CDH18: variants seen among roughly 807,000 people sequenced by gnomAD.
CDH18 encodes the protein cadherin-18.
A neutral mutation model predicts 67.9 loss-of-function variants in CDH18; 31 were observed. That is an observed-to-expected ratio of 0.46 (90% CI 0.34 to 0.62). CDH18 has a LOEUF of 0.62. CDH18 is among the 20% of genes least tolerant of loss of function. The pLI, the probability that CDH18 is intolerant of heterozygous loss-of-function variation, is 0.01. For synonymous variants in CDH18, 362 were observed against 347.2 expected (o/e 1.04, Z -0.48); for missense variants, 890 against 975.5 (o/e 0.91, Z 1.17).
rs1170985650 is a variant in CDH18, at chr5:19,520,612, G to A, written c.1512+45C>T. On this transcript the variant is annotated intron_variant, in intron 10 of 12. Transcript: ENST00000382275. Reference sequence around the variant, plus strand: ...AAGAATAATAAAAATAAAGGCGCTTGCATTTATTCCATTCAAATGAGGAGG... The same window carrying A: ...AAGAATAATAAAAATAAAGGCGCTTACATTTATTCCATTCAAATGAGGAGG... 3.9e-6 allele frequency: 6 copies of A among 1,542,516 alleles called. No homozygotes were observed. The Admixed American group carries it at 8.7e-5, about 22-fold the overall frequency.
At chr5:19,786,790 T>G (rs1019080285) in intron 3 of CDH18, among the ~76,000 whole-genome samples, 1 of 152,048 alleles carries the variant, frequency 6.6e-6, no homozygotes, top group African/African-American at 2.4e-5. Flanking sequence ...AGAAAGCCAT[T>G]CTTTAGTTCT....
At chr5:19,738,132 T>G (rs747606098) in intron 4 of CDH18, among the ~76,000 whole-genome samples, 2 of 152,156 alleles carry the variant, frequency 1.3e-5, no homozygotes, top group Non-Finnish European at 2.9e-5. Flanking sequence ...TATTACCTAT[T>G]TAGTTTTAGA....
intron 11 of CDH18, among the ~76,000 whole-genome samples, chr5:19,501,597 T>C (rs1186144836): frequency 5.3e-5 from 8 of 151,998 alleles, no homozygotes; most frequent in Non-Finnish European, 1.2e-4. Context: ...GTTATACCTA[T>C]GTAGGTTAAA....
At chr5:20,427,320 T>C (rs1748378256) in intron 1 of CDH18, among the ~76,000 whole-genome samples, 1 of 151,248 alleles carries the variant, frequency 6.6e-6, no homozygotes, top group Admixed American at 6.6e-5. Flanking sequence ...GTGTTCATGT[T>C]ATTTTACAAA....
intron 5 of CDH18, among the ~76,000 whole-genome samples, chr5:19,672,479 A>T (rs546159793): frequency 7.9e-5 from 12 of 152,254 alleles, no homozygotes; most frequent in African/African-American, 2.9e-4. Flanking sequence ...AAAGTTTAAG[A>T]ATAAATTATA....
chr5:19,506,394 A>G (rs1172833379), intron 10 of CDH18, among the ~76,000 whole-genome samples: 1 of 152,194 alleles, frequency 6.6e-6, no homozygotes, highest in East Asian at 1.9e-4. Flanking sequence ...TCTTCACAGA[A>G]TTGGAAAAAA....
At chr5:20,465,544 AAC>A (rs1751576889) in intron 1 of CDH18, among the ~76,000 whole-genome samples, 1 of 152,088 alleles carries the variant, frequency 6.6e-6, no homozygotes, top group Non-Finnish European at 1.5e-5. Flanking sequence ...TATGTTAAAT[AAC>A]ACATATCTGA....
chr5:20,258,003 A>C (rs948832894), intron 1 of CDH18, among the ~76,000 whole-genome samples: 6 of 124,482 alleles, frequency 4.8e-5, no homozygotes, highest in African/African-American at 1.7e-4. Context: ...GTACTTCAAA[A>C]TTTTCTGTTA....
chr5:19,700,212 A>G (rs970654444), intron 5 of CDH18, among the ~76,000 whole-genome samples: 2 of 152,182 alleles, frequency 1.3e-5, no homozygotes, highest in African/African-American at 4.8e-5. Flanking sequence ...ACCAAACTTT[A>G]TTTGTTTAAT....
intron 7 of CDH18, 82 bp downstream of exon 7, chr5:19,590,975 G>T: frequency 2.7e-6 from 2 of 729,286 alleles, no homozygotes; most frequent in Non-Finnish European, 4.5e-6. Context: ...CTGACAGCGT[G>T]GATTATTCAT....
intron 1 of CDH18, among the ~76,000 whole-genome samples, chr5:20,410,057 T>C (rs1481306192): frequency 2.6e-5 from 4 of 151,706 alleles, no homozygotes; most frequent in Admixed American, 1.3e-4. Flanking sequence ...TATAAAATAT[T>C]TGGAGAAGAA....
At chr5:20,488,935 A>T (rs896599276) in intron 1 of CDH18, among the ~76,000 whole-genome samples, 1 of 152,022 alleles carries the variant, frequency 6.6e-6, no homozygotes, top group Non-Finnish European at 1.5e-5. Flanking sequence ...ACTGCTTTTC[A>T]TACATGTATA....
intron 1 of CDH18, among the ~76,000 whole-genome samples, chr5:20,336,700 G>C (rs537168249): frequency 1.6e-5 from 2 of 125,014 alleles, no homozygotes; most frequent in South Asian, 5.3e-4. Context: ...TCCAGCCTGG[G>C]CAACAGAGAG....
chr5:20,231,542 T>C (rs1428850475), intron 2 of CDH18, among the ~76,000 whole-genome samples: 5 of 151,206 alleles, frequency 3.3e-5, no homozygotes, highest in Admixed American at 6.6e-5. Context: ...GAGGTTGCAG[T>C]GAGCCAAGAT....
At chr5:20,294,827 A>G (rs1677236431) in intron 1 of CDH18, among the ~76,000 whole-genome samples, 1 of 151,994 alleles carries the variant, frequency 6.6e-6, no homozygotes, top group South Asian at 2.1e-4. Context: ...ATTTTCCTAC[A>G]TATATATATA....
intron 2 of CDH18, among the ~76,000 whole-genome samples, chr5:19,922,242 C>G (rs751249085): frequency 6.6e-6 from 1 of 152,124 alleles, no homozygotes; most frequent in Non-Finnish European, 1.5e-5. Context: ...AGGGTTTAAA[C>G]TAAACCATTT....
chr5:19,726,844 G>C (rs1766910462), intron 4 of CDH18, among the ~76,000 whole-genome samples: 1 of 152,068 alleles, frequency 6.6e-6, no homozygotes, highest in South Asian at 2.1e-4. Context: ...TTGAGGGTAG[G>C]GTTTTTGCAA....
chr5:19,584,793 C>CAAAAAAAAAAAAAAAAAAAAAAAAAAA (rs61297842), intron 7 of CDH18, among the ~76,000 whole-genome samples: 2 of 75,114 alleles, frequency 2.7e-5, no homozygotes, highest in Admixed American at 1.9e-4. Context: ...ACTAAAAATA[C>CAAAAAAAAAAAAAAAAAAAAAAAAAAA]AAAAAAAAAA....
chr5:19,631,575 A>C (rs181738904), intron 5 of CDH18, among the ~76,000 whole-genome samples: 3 of 151,954 alleles, frequency 2.0e-5, no homozygotes, highest in East Asian at 3.9e-4. Flanking sequence ...ATATTCCACA[A>C]AAAAAAATAC....
Sources: gnomAD v4.1 joint callset for allele counts (sites outside exome capture counted in the v4.1 genomes callset) on GRCh38, gnomAD v4.1.1 for gene constraint, MANE v1.5 for transcripts, NCBI Gene and HGNC (gene_info 2026-07-23, HGNC 2026-07-21) for gene names.